The following FAXC variants were observed in gnomAD, a reference collection of about 807,000 sequenced individuals.
The protein encoded by FAXC is failed axon connections homolog, metaxin like GST domain containing.
A neutral mutation model predicts 41.9 loss-of-function variants in FAXC; 10 were observed. The ratio of observed to expected loss-of-function variants is 0.24; its 90% confidence interval spans 0.15 to 0.41. The LOEUF (loss-of-function observed/expected upper bound fraction) is 0.41, where lower values mean the gene tolerates loss of function less well. Among genes scored for constraint, FAXC ranks in the 10% least tolerant of loss-of-function variants. The probability of loss-of-function intolerance (pLI) is 1.00; values close to 1 mark genes in which losing one functional copy is unlikely to be tolerated. For missense variants in FAXC, 399 were observed against 510.9 expected (o/e 0.78, Z 2.11); for synonymous variants, 183 against 183.8 (o/e 1.00, Z 0.03).
intron 4 of FAXC, 145 bp from the exon 5 acceptor site, chr6:99,291,965 T>C: frequency 1.6e-6 from 1 of 638,154 alleles, no homozygotes; most frequent in Non-Finnish European, 2.8e-6. Context: ...CCCTTTTGCT[T>C]AAAAAAAAAT....
chr6:99,291,431 G>C (rs1007311766), intron 5 of FAXC, among the ~76,000 whole-genome samples: 2 of 152,200 alleles, frequency 1.3e-5, no homozygotes, highest in African/African-American at 2.4e-5. Flanking sequence ...TAAGCAGATG[G>C]AAGAAAAGCG....
intron 4 of FAXC, among the ~76,000 whole-genome samples, chr6:99,299,362 A>C (rs1771617335): frequency 1.3e-5 from 2 of 152,214 alleles, no homozygotes; most frequent in African/African-American, 4.8e-5. Context: ...GCTGTGCTAT[A>C]AAATATAAGT....
chr6:99,306,904 C>T (rs980265770), intron 4 of FAXC, among the ~76,000 whole-genome samples: 8 of 152,162 alleles, frequency 5.3e-5, no homozygotes, highest in African/African-American at 1.2e-4. Context: ...ATCCAACAAC[C>T]GGGGATCACC....
intron 2 of FAXC, among the ~76,000 whole-genome samples, chr6:99,342,068 C>A (rs1773447083): frequency 6.6e-6 from 1 of 152,184 alleles, no homozygotes; most frequent in Admixed American, 6.5e-5. Context: ...GAAATATATA[C>A]CTTTAAGTAC....
At chr6:99,281,575 A>T in intron 5 of FAXC, 122 bp from the exon 6 acceptor site, 2 of 805,224 alleles carry the variant, frequency 2.5e-6, no homozygotes, top group Non-Finnish European at 4.0e-6. Flanking sequence ...TGGTCTAAGG[A>T]GGTGGGGCCT....
rs1486548402 is a variant in FAXC at position 99,276,193 on chromosome 6, T to G, written c.*4971A>C. 1 of 150,820 alleles carries G rather than the reference T, an allele frequency of 6.6e-6. No homozygotes were observed. Among genetic ancestry groups the G allele is most frequent in the Non-Finnish European group, 1.5e-5 (1 of 67,708 alleles). The allele number at this position is 150,820 out of a possible 1,614,324, so 9.3% of individuals were successfully genotyped here. On this transcript the variant is annotated 3_prime_UTR_variant, in exon 6 of 6. Coordinates refer to ENST00000389677, the MANE Select transcript of FAXC (RefSeq NM_032511.4). ...AAGAAAGAAAGAAGAATAACCTGAG[T>G]TGTTCCCTATCAACAAAAGCCACCA...
Position 99,349,520 on chromosome 6 carries a change from G to C in FAXC, c.-148C>G. ...CTGAGGAGGCGGCGGCGACTGAGGA[G>C]GCGGCGGCAGAGGAGGAGGAGGAGG... On this transcript the variant is annotated 5_prime_UTR_variant, in exon 1 of 6. Coordinates refer to ENST00000389677, the MANE Select transcript of FAXC (RefSeq NM_032511.4). 1 of 442,782 alleles carries C rather than the reference G, an allele frequency of 2.3e-6. No individual in the cohort carries two copies. Among genetic ancestry groups the C allele is most frequent in the Non-Finnish European group, 2.9e-6 (1 of 340,830 alleles). 27.4% of individuals were successfully genotyped at this position (442,782 alleles called of 1,614,324 possible).
chr6:99,348,088 T>C (rs1773661908), intron 1 of FAXC, among the ~76,000 whole-genome samples: 1 of 152,216 alleles, frequency 6.6e-6, no homozygotes, highest in Non-Finnish European at 1.5e-5. Context: ...CCCTGCAGGC[T>C]AGTACAGGTC....
chr6:99,325,182 G>A (rs1772750515), intron 3 of FAXC, among the ~76,000 whole-genome samples: 1 of 151,688 alleles, frequency 6.6e-6, no homozygotes, highest in African/African-American at 2.4e-5. Flanking sequence ...CAGCTACAAT[G>A]AAATGCTGTT....
chr6:99,296,575 T>C (rs1771505628), intron 4 of FAXC, among the ~76,000 whole-genome samples: 1 of 152,154 alleles, frequency 6.6e-6, no homozygotes, highest in African/African-American at 2.4e-5. Context: ...ATGCTCCACC[T>C]GAGGCCAGCT....
chr6:99,337,925 T>G (rs917048212), intron 2 of FAXC, among the ~76,000 whole-genome samples: 1 of 152,202 alleles, frequency 6.6e-6, no homozygotes, highest in Non-Finnish European at 1.5e-5. Flanking sequence ...TTTTAATCTT[T>G]TTAAAATGGC....
At chr6:99,309,781 T>C (rs1220746752) in intron 4 of FAXC, 1 of 362,592 alleles carries the variant, frequency 2.8e-6, no homozygotes, top group East Asian at 1.6e-4. Context: ...TCACTTCCAC[T>C]TCAATGGATG....
At chr6:99,289,225 C>G (rs1028283303) in intron 5 of FAXC, among the ~76,000 whole-genome samples, 1 of 152,182 alleles carries the variant, frequency 6.6e-6, no homozygotes, top group African/African-American at 2.4e-5. Context: ...CAGGCACTTG[C>G]TTAGGTACTG....
At chr6:99,326,292 G>A (rs1164853666) in intron 3 of FAXC, among the ~76,000 whole-genome samples, 2 of 152,204 alleles carry the variant, frequency 1.3e-5, no homozygotes, top group Non-Finnish European at 2.9e-5. Context: ...GATGCACTGG[G>A]TGAGGCAAAG....
At position 99,328,049 on chromosome 6, in the gene FAXC, T is replaced by C. The variant is rs186684850; in HGVS notation, c.600-4382A>G. 5.6e-3 allele frequency among the ~76,000 whole-genome samples: 860 copies of C among 152,258 alleles called. 17 individuals carry two copies. Among genetic ancestry groups the C allele is most frequent in the Admixed American group, 0.035 (542 of 15,294 alleles). On this transcript the variant is annotated intron_variant, in intron 3 of 5. Coordinates refer to ENST00000389677, the MANE Select transcript of FAXC (RefSeq NM_032511.4). Reference sequence around the variant, plus strand: ...AATGCTTCTTAGAGTCATTCATTAATACCCCACAGCTCCTTTGCATGGCAT... The same window carrying C: ...AATGCTTCTTAGAGTCATTCATTAACACCCCACAGCTCCTTTGCATGGCAT...
rs77568055 is a variant in FAXC at position 99,320,357 on chromosome 6, G to T, written c.823+3087C>A. On this transcript the variant is annotated intron_variant, in intron 4 of 5. Transcript: ENST00000389677. ...TATTCTAACTCTACCTGATTTGACT[G>T]CAGAGTATTTTTCAGATATGAAAAT... Among the ~76,000 whole-genome samples the T allele has an allele frequency of 1.9e-3, 290 of 152,188 alleles. 4 individuals carry two copies. In the East Asian group the frequency reaches 0.046, roughly 24 times the overall value.
chr6:99,336,956 G>A (rs538726843), intron 2 of FAXC, among the ~76,000 whole-genome samples: 1 of 152,216 alleles, frequency 6.6e-6, no homozygotes, highest in South Asian at 2.1e-4. Context: ...TCTTCCACTG[G>A]CTAAATTTGA....
chr6:99,284,577 G>A (rs1214374558), intron 5 of FAXC, among the ~76,000 whole-genome samples: 2 of 126,902 alleles, frequency 1.6e-5, no homozygotes, highest in African/African-American at 6.5e-5. Flanking sequence ...GTGTGTGTGT[G>A]TGTGTGTGTG....
chr6:99,349,744 C>G (rs955773440), upstream of FAXC: 1 of 152,016 alleles, frequency 6.6e-6, no homozygotes, highest in African/African-American at 2.4e-5. Context: ...GCGCCCTGCC[C>G]CCTCCCCGCA....
Sources: allele counts gnomAD v4.1 joint callset (sites outside exome capture counted in the v4.1 genomes callset), GRCh38; gene constraint gnomAD v4.1.1; transcripts MANE v1.5; gene names NCBI Gene and HGNC (gene_info 2026-07-23, HGNC 2026-07-21).